The following ASTN2 variants were observed in gnomAD, a reference collection of about 807,000 sequenced individuals.
The protein encoded by ASTN2 is astrotactin-2.
ASTN2 carries 54 observed loss-of-function variants against 139.8 expected under a neutral mutation model. The ratio of observed to expected loss-of-function variants is 0.39; its 90% CI spans 0.31 to 0.48. ASTN2 has a LOEUF of 0.48. ASTN2 is among the 20% of genes least tolerant of loss of function. The probability of loss-of-function intolerance (pLI) is 0.95; values close to 1 mark genes in which losing one functional copy is unlikely to be tolerated. For missense variants in ASTN2, 1,565 were observed against 1,725.1 expected (o/e 0.91, Z 1.64); for synonymous variants, 756 against 719.5 (o/e 1.05, Z -0.81).
chr9:117,203,730 C>A (rs1429261993), intron 3 of ASTN2, among the ~76,000 whole-genome samples: 1 of 152,116 alleles, frequency 6.6e-6, no homozygotes, highest in African/African-American at 2.4e-5. Flanking sequence ...GATGCCTGTT[C>A]CTACCTCTGG....
At chr9:117,326,865 A>C (rs868228771) in intron 1 of ASTN2, among the ~76,000 whole-genome samples, 3 of 152,174 alleles carry the variant, frequency 2.0e-5, no homozygotes, top group Non-Finnish European at 4.4e-5. Flanking sequence ...ATGACACTTG[A>C]TATGGAATTT....
chr9:117,328,970 C>T (rs1828611719), intron 1 of ASTN2, among the ~76,000 whole-genome samples: 2 of 152,094 alleles, frequency 1.3e-5, no homozygotes, highest in African/African-American at 4.8e-5. Flanking sequence ...GGAGTCTGAA[C>T]TTTATAAGGA....
chr9:116,531,672 A>G (rs1851357650), intron 19 of ASTN2, among the ~76,000 whole-genome samples: 1 of 152,136 alleles, frequency 6.6e-6, no homozygotes, highest in African/African-American at 2.4e-5. Flanking sequence ...AGCTTCATCC[A>G]CGTTCCTACA....
rs554811899 is a variant in ASTN2, at chr9:116,873,524, C to T, written c.1890-9791G>A. On this transcript the variant is annotated intron_variant, in intron 10 of 22. Transcript: ENST00000313400. ...GTGTACAATATCATGGTGATAACAACATTCACATGGGCTAATTATCTACTG... is the reference window on the plus strand; with the variant it reads ...GTGTACAATATCATGGTGATAACAATATTCACATGGGCTAATTATCTACTG... Among the ~76,000 whole-genome samples, 115 of 115,530 alleles carry T rather than the reference C, an allele frequency of 1.0e-3. 1 individual carries two copies. The highest frequency in any genetic ancestry group is 3.5e-3 in the African/African-American group (111 of 31,350). 75.8% of individuals were successfully genotyped at this position (115,530 alleles called of 152,430 possible). A position where few individuals can be genotyped will look rare whatever the true frequency, so the allele number is the denominator to read the frequency against.
chr9:117,147,762 G>T (rs1276453882), intron 3 of ASTN2, among the ~76,000 whole-genome samples: 1 of 152,130 alleles, frequency 6.6e-6, no homozygotes. Flanking sequence ...ATGTTACATG[G>T]TTTTTCCAGG....
intron 5 of ASTN2, among the ~76,000 whole-genome samples, chr9:117,045,749 A>T (rs1838716272): frequency 2.6e-5 from 4 of 152,142 alleles, no homozygotes; most frequent in African/African-American, 9.7e-5. Flanking sequence ...GTGTGTGGAA[A>T]ACTTAAAGCT....
intron 4 of ASTN2, among the ~76,000 whole-genome samples, chr9:117,107,987 G>A (rs1237863464): frequency 6.6e-6 from 1 of 152,166 alleles, no homozygotes; most frequent in African/African-American, 2.4e-5. Flanking sequence ...AAAGGAGCAG[G>A]AGGTAAGAAA....
chr9:116,986,432 T>C (rs1836685390), intron 7 of ASTN2, among the ~76,000 whole-genome samples: 1 of 152,032 alleles, frequency 6.6e-6, no homozygotes, highest in South Asian at 2.1e-4. Flanking sequence ...TAGGAAGACT[T>C]GGAGGAAAAT....
At chr9:117,363,190 C>A (rs1829740631) in intron 1 of ASTN2, among the ~76,000 whole-genome samples, 1 of 152,128 alleles carries the variant, frequency 6.6e-6, no homozygotes, top group African/African-American at 2.4e-5. Flanking sequence ...TGCCAGGACC[C>A]TGACTGATGT....
At chr9:116,989,589 T>TG (rs1284956952) in intron 7 of ASTN2, among the ~76,000 whole-genome samples, 1 of 150,798 alleles carries the variant, frequency 6.6e-6, no homozygotes, top group Non-Finnish European at 1.5e-5. Context: ...TATTTGGGTT[T>TG]TTTTTTTTTT....
intron 1 of ASTN2, among the ~76,000 whole-genome samples, chr9:117,407,185 TAAG>T (rs1831019361): frequency 1.3e-5 from 2 of 152,104 alleles, no homozygotes; most frequent in African/African-American, 2.4e-5. Context: ...AGGTGCCAAA[TAAG>T]AAGGAAGGGT....
chr9:117,398,509 A>G (rs566641565), intron 1 of ASTN2, among the ~76,000 whole-genome samples: 5 of 152,338 alleles, frequency 3.3e-5, no homozygotes, highest in African/African-American at 1.2e-4. Flanking sequence ...GAGGCCAGCT[A>G]TAGAAACCAG....
chr9:117,253,309 A>G (rs1359412318), intron 2 of ASTN2, among the ~76,000 whole-genome samples: 1 of 152,184 alleles, frequency 6.6e-6, no homozygotes, highest in Non-Finnish European at 1.5e-5. Flanking sequence ...AGTAAAGCAG[A>G]GGAGCAAAGG....
At chr9:116,720,202 C>T (rs773650607) in intron 16 of ASTN2, among the ~76,000 whole-genome samples, 9 of 152,210 alleles carry the variant, frequency 5.9e-5, no homozygotes, top group Non-Finnish European at 1.2e-4. Context: ...AATGTTTCAG[C>T]TGACATTCAA....
intron 12 of ASTN2, among the ~76,000 whole-genome samples, chr9:116,815,230 G>A (rs959493116): frequency 2.0e-5 from 3 of 152,108 alleles, no homozygotes; most frequent in Admixed American, 6.5e-5. Context: ...ATGAAAATAC[G>A]TGGCTTCCAG....
At chr9:116,561,914 T>C (rs1318088553) in intron 19 of ASTN2, 1 of 152,248 alleles carries the variant, frequency 6.6e-6, no homozygotes, top group Non-Finnish European at 1.5e-5. Context: ...GGATTCTTCA[T>C]ATTCCTTTAG....
intron 11 of ASTN2, among the ~76,000 whole-genome samples, chr9:116,828,457 A>G (rs1414299236): frequency 6.6e-6 from 1 of 152,168 alleles, no homozygotes; most frequent in Non-Finnish European, 1.5e-5. Flanking sequence ...AGAATTCAGG[A>G]AAAAAGCCAT....
intron 13 of ASTN2, among the ~76,000 whole-genome samples, chr9:116,744,034 T>A (rs965643876): frequency 5.3e-5 from 8 of 151,802 alleles, no homozygotes; most frequent in African/African-American, 1.9e-4. Flanking sequence ...ACTGAGGAGG[T>A]CAGGAAGGCT....
chr9:116,832,823 T>C (rs1831856947), intron 11 of ASTN2, among the ~76,000 whole-genome samples: 1 of 152,088 alleles, frequency 6.6e-6, no homozygotes, highest in South Asian at 2.1e-4. Flanking sequence ...TACTTTGTAG[T>C]TTTCTGTTTT....
Sources: allele counts gnomAD v4.1 joint callset (sites outside exome capture counted in the v4.1 genomes callset), GRCh38; gene constraint gnomAD v4.1.1; transcripts MANE v1.5; gene names NCBI Gene and HGNC (gene_info 2026-07-23, HGNC 2026-07-21).